Variants in FH observed in about 807,000 individuals in gnomAD.
The protein encoded by FH is fumarate hydratase, also known as fumarate hydratase, mitochondrial.
Under a neutral mutation model 49.4 loss-of-function variants are expected in FH, and 22 were observed. That is an observed-to-expected ratio of 0.45 (90% confidence interval 0.32 to 0.64). The LOEUF (loss-of-function observed/expected upper bound fraction) is 0.64, where lower values mean the gene tolerates loss of function less well. Among genes scored for constraint, FH ranks in the 30% least tolerant of loss-of-function variants. The pLI, the probability that FH is intolerant of heterozygous loss-of-function variation, is 0.05. For synonymous variants in FH, 208 were observed against 223.0 expected (o/e 0.93, Z 0.60); for missense variants, 526 against 641.5 (o/e 0.82, Z 1.95).
chr1:241,506,870 T>C (rs1659944560), intron 5 of FH, among the ~76,000 whole-genome samples: 1 of 152,162 alleles, frequency 6.6e-6, no homozygotes, highest in South Asian at 2.1e-4. Flanking sequence ...GCTCTATTAA[T>C]AGTCATGCAG....
chr1:241,499,678 A>G (rs1309451485), intron 9 of FH, among the ~76,000 whole-genome samples: 4 of 152,242 alleles, frequency 2.6e-5, no homozygotes, highest in African/African-American at 7.2e-5. Context: ...AACTTGTTCT[A>G]TAACAGAAAG....
At chr1:241,504,624 T>G (rs894735220) in intron 6 of FH, among the ~76,000 whole-genome samples, 2 of 152,094 alleles carry the variant, frequency 1.3e-5, no homozygotes, top group Non-Finnish European at 1.5e-5. Flanking sequence ...TAATTTTTAG[T>G]AGAGATGGGG....
Position 241,502,614 on chromosome 1 carries a change from C to T in FH, c.1109-44G>A, listed in dbSNP as rs770548498. The T allele has an allele frequency of 1.3e-5, 21 of 1,604,184 alleles. No individual in the cohort carries two copies. In the East Asian group the frequency reaches 4.2e-4, roughly 32 times the overall value. ...TGACAGAGTAAAGACTAAATTTATG[C>T]AAATAATCAGGAGAATAAAGAAATC... On this transcript the variant is annotated intron_variant, in intron 7 of 9. Coordinates refer to ENST00000366560, the MANE Select transcript of FH (RefSeq NM_000143.4).
chr1:241,517,428 CA>C, intron 1 of FH, 112 bp from the exon 2 acceptor site: 7 of 1,116,734 alleles, frequency 6.3e-6, no homozygotes, highest in South Asian at 1.4e-5. Context: ...ATCACAAAGA[CA>C]AAAAAATACT....
chr1:241,506,554 T>G (rs1004994561), intron 5 of FH, among the ~76,000 whole-genome samples: 3 of 152,144 alleles, frequency 2.0e-5, no homozygotes, highest in Non-Finnish European at 4.4e-5. Flanking sequence ...TCAGACAACT[T>G]TGGTGTAAGA....
rs1218102979 is a variant in FH, at chr1:241,500,470, G to C, written c.1357C>G (p.Leu453Val). 3 of 1,613,878 alleles carry C rather than the reference G, an allele frequency of 1.9e-6. No homozygotes were observed. In the South Asian group the frequency reaches 3.3e-5, roughly 18 times the overall value. ...ERINKLMNES[L>V]MLVTALNPHI... Reference sequence around the variant, plus strand: ...GGATTGAGAGCTGTCACCAACATTAGAGACTCATTCATCAGCTTGTTGATC... The same window carrying C: ...GGATTGAGAGCTGTCACCAACATTACAGACTCATTCATCAGCTTGTTGATC... The change falls in exon 9 of 10, where the codon CTA (leucine) becomes GTA (valine). Residue 453 changes from leucine to valine, a missense_variant. Physicochemically the swap from Leu to Val is conservative, Grantham distance 32. Coordinates refer to ENST00000366560, the MANE Select transcript of FH (RefSeq NM_000143.4).
chr1:241,518,487 A>G (rs1327617770), intron 1 of FH, among the ~76,000 whole-genome samples: 1 of 152,238 alleles, frequency 6.6e-6, no homozygotes, highest in Admixed American at 6.5e-5. Context: ...GTATAGTTGT[A>G]TATCGTAGGT....
intron 5 of FH, among the ~76,000 whole-genome samples, chr1:241,507,725 T>C (rs921134065): frequency 1.3e-5 from 2 of 152,144 alleles, no homozygotes; most frequent in Admixed American, 1.3e-4. Context: ...TCCTTAGAAA[T>C]TATGCATGGT....
rs1060504079 is a variant in FH at position 241,502,577 on chromosome 1, G to A, written c.1109-7C>T. 1.9e-6 allele frequency: 3 copies of A among 1,613,822 alleles called. No individual in the cohort carries two copies. The highest frequency in any genetic ancestry group is 4.5e-5 in the East Asian group (2 of 44,886). ...TGAGTAGGGTTCACCTTGCCTTCAAGAAAACCACCAATGACAGAGTAAAGA... is the reference window on the plus strand; with the variant it reads ...TGAGTAGGGTTCACCTTGCCTTCAAAAAAACCACCAATGACAGAGTAAAGA... On this transcript the variant is annotated splice_region_variant and splice_polypyrimidine_tract_variant and intron_variant, in intron 7 of 9. Transcript: ENST00000366560.
intron 8 of FH, 130 bp from the exon 9 acceptor site, chr1:241,500,720 T>A: frequency 1.6e-6 from 2 of 1,273,552 alleles, no homozygotes; most frequent in East Asian, 5.1e-5. Flanking sequence ...AATAAACATA[T>A]AGATCTTCTA....
At chr1:241,511,122 T>C (rs1288709563) in intron 4 of FH, among the ~76,000 whole-genome samples, 2 of 152,144 alleles carry the variant, frequency 1.3e-5, no homozygotes, top group Admixed American at 6.5e-5. Context: ...CCTAGGGTAA[T>C]AGTATTAGGA....
Position 241,504,256 on chromosome 1 carries a change from G to GA in FH, c.905-12dup. 6.2e-7 allele frequency: 1 copy of GA among 1,612,288 alleles called. No homozygotes were observed. Among genetic ancestry groups the GA allele is most frequent in the Non-Finnish European group, 8.5e-7 (1 of 1,178,732 alleles). ...TGACAAAAGGCAAGCCTAAAGAAAAGAAAAATATCCTAGATGGGTGAACAA... is the reference window on the plus strand; with the variant it reads ...TGACAAAAGGCAAGCCTAAAGAAAAGAAAAAATATCCTAGATGGGTGAACAA... On this transcript the variant is annotated splice_polypyrimidine_tract_variant and intron_variant, in intron 6 of 9. Transcript: ENST00000366560.
At chr1:241,518,762 T>C (rs1296602892) in intron 1 of FH, among the ~76,000 whole-genome samples, 2 of 152,200 alleles carry the variant, frequency 1.3e-5, no homozygotes, top group African/African-American at 4.8e-5. Flanking sequence ...AATATACATA[T>C]GTATTTAAAG....
chr1:241,501,430 G>A (rs569666997), intron 8 of FH, among the ~76,000 whole-genome samples: 5 of 152,034 alleles, frequency 3.3e-5, no homozygotes, highest in African/African-American at 4.8e-5. Context: ...TGGGTATCTC[G>A]TGTTAACTGT....
At chr1:241,509,197 CTTATAA>C (rs1229399189) in intron 4 of FH, among the ~76,000 whole-genome samples, 16 of 151,524 alleles carry the variant, frequency 1.1e-4, no homozygotes, top group Non-Finnish European at 1.6e-4. Context: ...AGTTGAATAT[CTTATAA>C]TTATATCAAA....
At chr1:241,499,262 A>G (rs982363633) in intron 9 of FH, among the ~76,000 whole-genome samples, 1 of 152,176 alleles carries the variant, frequency 6.6e-6, no homozygotes, top group Non-Finnish European at 1.5e-5. Flanking sequence ...TCATTCTCAT[A>G]TGGCCTCTAA....
intron 7 of FH, 25 bp downstream of exon 7, chr1:241,504,017 C>T (rs1201607410): frequency 1.2e-6 from 2 of 1,605,418 alleles, no homozygotes; most frequent in East Asian, 2.2e-5. Flanking sequence ...GTTTTAGCTC[C>T]AACATTTACT....
intron 5 of FH, among the ~76,000 whole-genome samples, chr1:241,508,255 G>C (rs778126819): frequency 1.4e-4 from 21 of 152,114 alleles, no homozygotes; most frequent in Non-Finnish European, 2.9e-4. Context: ...CAACTTACTA[G>C]AGCTTCACAA....
chr1:241,514,437 C>T (rs536130950), intron 2 of FH, among the ~76,000 whole-genome samples: 9 of 152,162 alleles, frequency 5.9e-5, no homozygotes. Flanking sequence ...CCTCACCAAG[C>T]TTGAAAAGGA....
Sources: allele counts gnomAD v4.1 joint callset (sites outside exome capture counted in the v4.1 genomes callset), GRCh38; gene constraint gnomAD v4.1.1; transcripts MANE v1.5; gene names NCBI Gene and HGNC (gene_info 2026-07-23, HGNC 2026-07-21).